The following SAGE1 variants were observed in gnomAD, a reference collection of about 807,000 sequenced individuals.
SAGE1 encodes the protein sarcoma antigen 1, also known as cancer/testis antigen 14.
A neutral mutation model predicts 55.4 loss-of-function variants in SAGE1; 55 were observed. The ratio of observed to expected loss-of-function variants is 0.99; its 90% CI spans 0.80 to 1.24. SAGE1 has a LOEUF of 1.24. Among genes scored for constraint, SAGE1 ranks in the 50% most tolerant of loss-of-function variants. The probability of loss-of-function intolerance (pLI) is 0.00; values close to 1 mark genes in which losing one functional copy is unlikely to be tolerated. For synonymous variants in SAGE1, 240 were observed against 244.3 expected, an observed-to-expected ratio of 0.98 and a Z score of 0.17; for missense variants, 710 against 704.4, an observed-to-expected ratio of 1.01 and a Z score of -0.09.
At chrX:135,905,207 A>G (rs1443029395) in intron 4 of SAGE1, 45 bp from the exon 5 acceptor site, 24 of 1,162,466 alleles carry the variant, frequency 2.1e-5, no homozygotes, top group African/African-American at 3.5e-5. Context: ...TTCAATTGTC[A>G]TAATGCACAT....
At position 135,906,039 on chromosome X, in the gene SAGE1, A is replaced by G. The variant is rs782804177; in HGVS notation, c.470A>G (p.His157Arg). ...TGGTTTCCAGATTCTACCGTCACTC[A>G]CAATATCCGTGAAGAGAGAATGGAA... is the stretch of plus-strand genomic sequence containing the variant. ...STRDLHSTVT[H>R]NIREERMENG... Residue 157 changes from histidine to arginine, a missense_variant, in exon 6 of 20, where the codon CAC becomes CGC. Physicochemically the swap from His to Arg is conservative, Grantham distance 29 (BLOSUM62 0). Coordinates refer to ENST00000370709, the MANE Select transcript of SAGE1 (RefSeq NM_001381902.1). 5 of 1,207,386 alleles carry G rather than the reference A, an allele frequency of 4.1e-6. No individual in the cohort carries two copies. The South Asian group carries it at 8.9e-5, about 21-fold the overall frequency.
Position 135,906,995 on chromosome X carries a change from T to C in SAGE1, c.806T>C (p.Leu269Ser). The change falls in exon 8 of 20, where the codon TTG (leucine) becomes TCG (serine). Residue 269 changes from leucine (L) to serine (S), a missense_variant. Transcript: ENST00000370709. ...EKGQPQPDNI[L>S]STASTGLINV... ...GGCCAACCCCAACCTGATAACATCTTGTCAACTGCTTCAACAGGGCTTATT... is the reference window on the plus strand; with the variant it reads ...GGCCAACCCCAACCTGATAACATCTCGTCAACTGCTTCAACAGGGCTTATT... 1 of 1,210,172 alleles carries C rather than the reference T, an allele frequency of 8.3e-7. No homozygotes were observed. The highest frequency in any genetic ancestry group is 1.1e-6 in the Non-Finnish European group (1 of 894,027).
At chrX:135,899,486 C>T (rs1240491940) in intron 2 of SAGE1, among the ~76,000 whole-genome samples, 6 of 111,495 alleles carry the variant, frequency 5.4e-5, no homozygotes, top group African/African-American at 1.6e-4. Context: ...GCTCTTTTTT[C>T]GTTCCATATG....
rs377420516 is a variant in SAGE1, at chrX:135,909,028, T to A, written c.1582+24T>A. ...GTGTATGTCTGTTAATTAGTTGTAC[T>A]GTCATACTTGGTTTACATATGCATG... On this transcript the variant is annotated intron_variant, in intron 13 of 19. Coordinates refer to ENST00000370709, the MANE Select transcript of SAGE1 (RefSeq NM_001381902.1). 25 of 1,176,595 alleles carry A rather than the reference T, an allele frequency of 2.1e-5. No individual in the cohort carries two copies. The African/African-American group carries it at 4.4e-4, about 21-fold the overall frequency.
intron 6 of SAGE1, 116 bp downstream of exon 6, chrX:135,906,280 C>A: frequency 9.5e-7 from 1 of 1,057,419 alleles, no homozygotes; most frequent in Non-Finnish European, 1.3e-6. Flanking sequence ...TCTGAGGGGT[C>A]TCACATCACC....
intron 1 of SAGE1, among the ~76,000 whole-genome samples, chrX:135,895,303 T>C (rs1249763303): frequency 8.9e-5 from 10 of 111,841 alleles, no homozygotes; most frequent in Non-Finnish European, 1.9e-4. Flanking sequence ...ATAACAAAAT[T>C]GATAGTATCC....
At chrX:135,905,823 G>A (rs1253873348) in intron 5 of SAGE1, among the ~76,000 whole-genome samples, 2 of 111,862 alleles carry the variant, frequency 1.8e-5, no homozygotes, top group East Asian at 5.6e-4. Flanking sequence ...CTTTTCGTAC[G>A]CATGCAGTGT....
rs986462440 is a variant in SAGE1, at chrX:135,910,300, G to A, written c.1865-115G>A. The A allele has an allele frequency of 7.7e-6, 8 of 1,039,912 alleles. No homozygotes were observed. In the Admixed American group the frequency reaches 1.9e-4, roughly 25 times the overall value. The allele number at this position is 1,039,912 out of a possible 1,213,427, so 85.7% of individuals were successfully genotyped here. A position where few individuals can be genotyped will look rare whatever the true frequency, so the allele number is the denominator to read the frequency against. ...TTTTAGGGTTCTCAGATTGCTACCT[G>A]GTATATCCTCCTTCTTAATGAGATA... is the stretch of plus-strand genomic sequence containing the variant. On this transcript the variant is annotated intron_variant, in intron 15 of 19. Transcript: ENST00000370709.
At position 135,909,769 on chromosome X, in the gene SAGE1, C is replaced by T. The variant is rs781920267; in HGVS notation, c.1713C>T (p.Thr571=). The T allele has an allele frequency of 3.3e-6, 4 of 1,200,804 alleles. No homozygotes were observed. Among genetic ancestry groups the T allele is most frequent in the Non-Finnish European group, 4.5e-6 (4 of 889,717 alleles). The change falls in exon 14 of 20, where the codon ACC becomes ACT. Residue 571 remains threonine (T), a synonymous_variant. Coordinates refer to ENST00000370709, the MANE Select transcript of SAGE1 (RefSeq NM_001381902.1). ...TAGCTGGTATTCCGGCCATGAGTAC[C>T]AGGGATCAGTGTATGTTTGCTTATT... is the stretch of plus-strand genomic sequence containing the variant. ...LTVAGIPAMS[T]RDQYATVTHN... is the part of the protein sequence containing the mutation.
chrX:135,893,952 G>A (rs1305220121), intron 1 of SAGE1, among the ~76,000 whole-genome samples, 171 bp downstream of exon 1: 4 of 112,179 alleles, frequency 3.6e-5, no homozygotes, highest in East Asian at 2.8e-4. Flanking sequence ...ATTTGCACGC[G>A]AAGCCATCTT....
chrX:135,901,412 G>A (rs1215527367), intron 2 of SAGE1, 147 bp from the exon 3 acceptor site: 173 of 540,914 alleles, frequency 3.2e-4, no homozygotes, highest in African/African-American at 2.8e-3. Context: ...TGAGAGCATC[G>A]TGTATGTTCA....
At chrX:135,895,637 A>T (rs1458720664) in intron 1 of SAGE1, among the ~76,000 whole-genome samples, 7 of 111,747 alleles carry the variant, frequency 6.3e-5, no homozygotes, top group Non-Finnish European at 9.4e-5. Context: ...AGTCACACAC[A>T]CATAGTTAGC....
chrX:135,910,378 C>T (rs975935030), intron 15 of SAGE1, 37 bp from the exon 16 acceptor site: 3 of 1,201,466 alleles, frequency 2.5e-6, no homozygotes, highest in Non-Finnish European at 2.3e-6. Context: ...TGACATAATG[C>T]ACTTACCTCA....
At chrX:135,906,817 C>A (rs1412253696) in intron 7 of SAGE1, 109 bp from the exon 8 acceptor site, 4 of 999,741 alleles carry the variant, frequency 4.0e-6, no homozygotes, top group African/African-American at 3.9e-5. Context: ...CCTGGTATAT[C>A]CTCCTGTTTA....
rs1556596727 is a variant in SAGE1, at chrX:135,901,639, C to G, written c.168C>G (p.His56Gln). 1 of 1,208,966 alleles carries G rather than the reference C, an allele frequency of 8.3e-7. No homozygotes were observed. The highest frequency in any genetic ancestry group is 1.8e-5 in the South Asian group (1 of 56,825). Reference protein sequence around the residue: ...KKKHSRKSKRHSSSKRRKSMS... With the variant: ...KKKHSRKSKRQSSSKRRKSMS... ...AACATTCCAGAAAATCCAAGAGACA[C>G]TCTTCATCTAAGAGAAGGAAGAGTA... Residue 56 changes from histidine to glutamine, a missense_variant, in exon 3 of 20, where the codon CAC (histidine) becomes CAG (glutamine). Physicochemically the swap from His to Gln is conservative, Grantham distance 24. Coordinates refer to ENST00000370709, the MANE Select transcript of SAGE1 (RefSeq NM_001381902.1).
In SAGE1 at chrX:135,905,235, G is replaced by T; in HGVS notation, c.314-17G>T. The T allele has an allele frequency of 1.7e-6, 2 of 1,201,041 alleles. No individual in the cohort carries two copies. Among genetic ancestry groups the T allele is most frequent in the South Asian group, 3.6e-5 (2 of 55,444 alleles). On this transcript the variant is annotated splice_polypyrimidine_tract_variant and intron_variant, in intron 4 of 19. Transcript: ENST00000370709. ...ATGCACATACCTCACAACTCAACCT[G>T]TTCCATCGGTTTCCAGATGCTACCA...
rs12013159 is a variant in SAGE1, at chrX:135,894,221, C to T, written c.-1+440C>T. 4.5e-3 allele frequency among the ~76,000 whole-genome samples: 502 copies of T among 111,802 alleles called. 6 individuals are homozygous for T. The highest frequency in any genetic ancestry group is 0.016 in the African/African-American group (480 of 30,808). Reference sequence around the variant, plus strand: ...CCAAATAGCTGGGATTACAGGCATGCGCCACCACGCCCAGCTAATTTTGTA... The same window carrying T: ...CCAAATAGCTGGGATTACAGGCATGTGCCACCACGCCCAGCTAATTTTGTA... On this transcript the variant is annotated intron_variant, in intron 1 of 19. Transcript: ENST00000370709.
intron 9 of SAGE1, 101 bp downstream of exon 9, chrX:135,907,554 C>G: frequency 1.0e-6 from 1 of 989,976 alleles, no homozygotes; most frequent in Non-Finnish European, 1.4e-6. Flanking sequence ...CTTTCATGAG[C>G]TCAATCTGAG....
intron 5 of SAGE1, among the ~76,000 whole-genome samples, 159 bp from the exon 6 acceptor site, chrX:135,905,865 A>G (rs371489910): frequency 3.6e-5 from 4 of 111,469 alleles, no homozygotes; most frequent in African/African-American, 1.3e-4. Context: ...TCGTTTTATT[A>G]TCTTTTCTGG....
Sources: allele counts gnomAD v4.1 joint callset (sites outside exome capture counted in the v4.1 genomes callset), GRCh38; gene constraint gnomAD v4.1.1; transcripts MANE v1.5; gene names NCBI Gene and HGNC (gene_info 2026-07-23, HGNC 2026-07-21).